TAFA2: variants seen among roughly 807,000 people sequenced by gnomAD.
TAFA2 encodes the protein chemokine-like protein TAFA-2.
TAFA2 carries 7 observed loss-of-function variants against 18.8 expected under a neutral mutation model. The ratio of observed to expected loss-of-function variants is 0.37; its 90% CI spans 0.21 to 0.70. The LOEUF is 0.70. Among genes scored for constraint, TAFA2 ranks in the 30% least tolerant of loss-of-function variants. The probability of loss-of-function intolerance (pLI) is 0.53; values close to 1 mark genes in which losing one functional copy is unlikely to be tolerated. For synonymous variants in TAFA2, 60 were observed against 54.2 expected, an observed-to-expected ratio of 1.11 and a Z score of -0.47; for missense variants, 122 against 158.1, an observed-to-expected ratio of 0.77 and a Z score of 1.23.
chr12:61,833,250 A>G (rs1201273188), intron 2 of TAFA2, among the ~76,000 whole-genome samples: 3 of 151,608 alleles, frequency 2.0e-5, no homozygotes, highest in Admixed American at 6.6e-5. Flanking sequence ...AAGCATCATT[A>G]TTTTCCCCAC....
At chr12:62,001,970 T>C (rs2136701572) in intron 1 of TAFA2, among the ~76,000 whole-genome samples, 1 of 152,156 alleles carries the variant, frequency 6.6e-6, no homozygotes, top group Non-Finnish European at 1.5e-5. Flanking sequence ...AACAAAACAA[T>C]GTTACCAAAA....
chr12:61,801,257 TAAAAG>T (rs1871386512), intron 2 of TAFA2, among the ~76,000 whole-genome samples: 1 of 152,038 alleles, frequency 6.6e-6, no homozygotes, highest in African/African-American at 2.4e-5. Context: ...TTTGCAGAAA[TAAAAG>T]AAAATTATTC....
At chr12:61,721,011 G>C (rs976065005) in intron 4 of TAFA2, 17 of 485,502 alleles carry the variant, frequency 3.5e-5, no homozygotes, top group Non-Finnish European at 6.2e-5. Flanking sequence ...ATTACAACAA[G>C]CATAAAGGGA....
chr12:61,831,986 A>G (rs1012837711), intron 2 of TAFA2, among the ~76,000 whole-genome samples: 1 of 152,106 alleles, frequency 6.6e-6, no homozygotes, highest in Admixed American at 6.6e-5. Context: ...AGAAAAATAT[A>G]TAAATAATTT....
intron 2 of TAFA2, among the ~76,000 whole-genome samples, chr12:61,792,991 T>C (rs1341373057): frequency 6.6e-6 from 1 of 151,578 alleles, no homozygotes; most frequent in African/African-American, 2.4e-5. Context: ...TACCAAACTA[T>C]ACTATATTCT....
At chr12:61,875,757 A>G (rs926833658) in intron 1 of TAFA2, among the ~76,000 whole-genome samples, 36 of 152,146 alleles carry the variant, frequency 2.4e-4, no homozygotes, top group African/African-American at 8.2e-4. Context: ...ACAATTAGAA[A>G]AAATTGGATT....
chr12:62,121,988 C>T (rs1870217919), intron 1 of TAFA2, among the ~76,000 whole-genome samples: 1 of 152,188 alleles, frequency 6.6e-6, no homozygotes, highest in African/African-American at 2.4e-5. Flanking sequence ...CCAACTACCA[C>T]ACATTCTCAC....
intron 1 of TAFA2, chr12:62,234,862 T>C: frequency 9.6e-7 from 1 of 1,046,858 alleles, no homozygotes; most frequent in Non-Finnish European, 1.5e-6. Context: ...CAGCAATGAC[T>C]GGGACTCAGC....
intron 2 of TAFA2, among the ~76,000 whole-genome samples, chr12:61,774,126 A>G (rs1050043279): frequency 2.0e-5 from 3 of 152,046 alleles, no homozygotes; most frequent in African/African-American, 7.2e-5. Flanking sequence ...TATCAGGCAA[A>G]TGCAAATCAA....
At chr12:62,074,679 A>C (rs1592319784) in intron 1 of TAFA2, among the ~76,000 whole-genome samples, 1 of 150,442 alleles carries the variant, frequency 6.6e-6, no homozygotes, top group East Asian at 2.0e-4. Context: ...AGCACATCCA[A>C]ATCCTTCTAA....
chr12:61,933,100 A>G (rs887852284), intron 1 of TAFA2, among the ~76,000 whole-genome samples: 1 of 152,158 alleles, frequency 6.6e-6, no homozygotes, highest in Non-Finnish European at 1.5e-5. Context: ...AGACCAAAGG[A>G]GTTCAGGGTA....
rs1445314172 is a variant in TAFA2 at position 61,879,396 on chromosome 12, G to A, written c.-1-11970C>T. The A allele has an allele frequency of 1.3e-5, 10 of 742,520 alleles. No homozygotes were observed. The East Asian group carries it at 1.5e-4, about 11-fold the overall frequency. 46.0% of individuals were successfully genotyped at this position (742,520 alleles called of 1,614,324 possible). A position where few individuals can be genotyped will look rare whatever the true frequency, so the allele number is the denominator to read the frequency against. On this transcript the variant is annotated intron_variant, in intron 1 of 4. Coordinates refer to ENST00000416284, the MANE Select transcript of TAFA2 (RefSeq NM_178539.5). Reference sequence around the variant, plus strand: ...GGCCTTCAGCAGCCGCTTCCTACACGAGTGGTCCCGGTGCCCCCATCAGCT... The same window carrying A: ...GGCCTTCAGCAGCCGCTTCCTACACAAGTGGTCCCGGTGCCCCCATCAGCT...
At chr12:61,943,836 C>T (rs1416171995) in intron 1 of TAFA2, among the ~76,000 whole-genome samples, 1 of 120,662 alleles carries the variant, frequency 8.3e-6, no homozygotes, top group African/African-American at 3.3e-5. Flanking sequence ...GAGACTTAGA[C>T]TCCCACACAT....
At chr12:62,100,860 T>TA (rs1869167021) in intron 1 of TAFA2, among the ~76,000 whole-genome samples, 2 of 152,120 alleles carry the variant, frequency 1.3e-5, no homozygotes, top group Middle Eastern at 3.2e-3. Flanking sequence ...GGCATAAAGG[T>TA]AGGTATTATT....
chr12:61,920,701 T>C (rs1877014719), intron 1 of TAFA2, among the ~76,000 whole-genome samples: 1 of 152,088 alleles, frequency 6.6e-6, no homozygotes, highest in African/African-American at 2.4e-5. Context: ...CTTCCTTCTG[T>C]CAGTTTAATT....
chr12:62,037,998 A>G (rs1309505263), intron 1 of TAFA2, among the ~76,000 whole-genome samples: 5 of 152,196 alleles, frequency 3.3e-5, no homozygotes, highest in African/African-American at 9.6e-5. Context: ...TTTCATTTGT[A>G]TGTAAGAAGA....
intron 1 of TAFA2, among the ~76,000 whole-genome samples, chr12:62,056,899 G>C (rs951457294): frequency 6.6e-6 from 1 of 152,226 alleles, no homozygotes; most frequent in African/African-American, 2.4e-5. Context: ...TTAGGATAAA[G>C]TTAGCTAGCA....
chr12:61,865,783 A>ACACTTGCTG (rs1416218550), intron 2 of TAFA2, among the ~76,000 whole-genome samples: 2 of 152,172 alleles, frequency 1.3e-5, no homozygotes, highest in Non-Finnish European at 2.9e-5. Context: ...TTTATCATGA[A>ACACTTGCTG]CACTTGCTGT....
intron 1 of TAFA2, among the ~76,000 whole-genome samples, chr12:61,893,985 G>A (rs1161030292): frequency 3.3e-5 from 5 of 151,878 alleles, no homozygotes; most frequent in African/African-American, 4.8e-5. Context: ...TTTTAGAACT[G>A]ATAAAATATG....
Sources: gnomAD v4.1 joint callset for allele counts (sites outside exome capture counted in the v4.1 genomes callset) on GRCh38, gnomAD v4.1.1 for gene constraint, MANE v1.5 for transcripts, NCBI Gene and HGNC (gene_info 2026-07-23, HGNC 2026-07-21) for gene names.